Variants in MAEL observed in about 807,000 individuals in gnomAD.
The protein encoded by MAEL is maelstrom spermatogenic transposon silencer, also known as protein maelstrom homolog.
Under a neutral mutation model 62.0 loss-of-function variants are expected in MAEL, and 46 were observed. The observed-to-expected ratio is 0.74, with a 90% CI of 0.59 to 0.95. The LOEUF (loss-of-function observed/expected upper bound fraction) is 0.95. Among genes scored for constraint, MAEL ranks in the 40% least tolerant of loss-of-function variants. MAEL has a pLI of 0.00. For synonymous variants in MAEL, 172 were observed against 175.5 expected (o/e 0.98, Z 0.16); for missense variants, 497 against 526.8 (o/e 0.94, Z 0.55).
chr1:166,992,530 G>A (rs189032377), intron 3 of MAEL, among the ~76,000 whole-genome samples, 156 bp from the exon 4 acceptor site: 13 of 152,052 alleles, frequency 8.5e-5, no homozygotes, highest in African/African-American at 2.4e-4. Context: ...TATTTGGTAC[G>A]GCTGATTGGT....
chr1:166,991,937 T>C (rs534879071), intron 3 of MAEL, among the ~76,000 whole-genome samples: 18 of 152,316 alleles, frequency 1.2e-4, no homozygotes, highest in African/African-American at 4.3e-4. Flanking sequence ...TTCCACAATG[T>C]ATACATGTAT....
chr1:166,987,004 C>A (rs962969524), upstream of MAEL, among the ~76,000 whole-genome samples: 2 of 147,132 alleles, frequency 1.4e-5, no homozygotes, highest in Non-Finnish European at 3.0e-5. Flanking sequence ...TCAACTGTTA[C>A]ATTTGTTTTT....
chr1:167,009,801 C>T (rs1357923835), intron 8 of MAEL, among the ~76,000 whole-genome samples: 1 of 151,948 alleles, frequency 6.6e-6, no homozygotes, highest in Non-Finnish European at 1.5e-5. Context: ...TCTGTTCAGC[C>T]TTGGGCAGTT....
chr1:167,017,590 C>A (rs933316941), intron 9 of MAEL, among the ~76,000 whole-genome samples: 1 of 152,062 alleles, frequency 6.6e-6, no homozygotes, highest in Non-Finnish European at 1.5e-5. Context: ...CATTGCCATG[C>A]CCTTAAAATG....
At chr1:167,008,250 C>T (rs1355342818) in intron 8 of MAEL, among the ~76,000 whole-genome samples, 1 of 152,070 alleles carries the variant, frequency 6.6e-6, no homozygotes, top group Non-Finnish European at 1.5e-5. Flanking sequence ...ATCTCTGGGA[C>T]TGGCGCATTT....
At chr1:166,986,924 T>C (rs1281815380), upstream of MAEL, among the ~76,000 whole-genome samples, 2 of 146,658 alleles carry the variant, frequency 1.4e-5, no homozygotes, top group African/African-American at 5.1e-5. Flanking sequence ...CATAAATAAT[T>C]AGGAATGAAA....
In MAEL at chr1:166,989,574, G is replaced by A. The variant is rs1190699812; in HGVS notation, c.132+90G>A. On this transcript the variant is annotated intron_variant, in intron 1 of 11. Coordinates refer to ENST00000367872, the MANE Select transcript of MAEL (RefSeq NM_032858.3). ...AGGGCAGAAGGCCTCGAGGAGGTCA[G>A]GCGGCTTGGCCCTGCCAGAGGAAGA... is the stretch of plus-strand genomic sequence containing the variant. 2.6e-6 allele frequency: 4 copies of A among 1,524,970 alleles called. No individual in the cohort carries two copies. In the African/African-American group the frequency reaches 4.1e-5, roughly 16 times the overall value. 94.5% of individuals were successfully genotyped at this position (1,524,970 alleles called of 1,614,324 possible). A position where few individuals can be genotyped will look rare whatever the true frequency, so the allele number is the denominator to read the frequency against.
rs1477911955 is a variant in MAEL, at chr1:167,016,208, A to AT, written c.846-7dup. The stretch of plus-strand genomic sequence containing the variant: ...TACTTCAGTTAGGATATTAAAGTCC[A>AT]TTTTTTTGTACAGGTGCAAGTGGCA... On this transcript the variant is annotated splice_polypyrimidine_tract_variant and intron_variant, in intron 8 of 11. Coordinates refer to ENST00000367872, the MANE Select transcript of MAEL (RefSeq NM_032858.3). The AT allele has an allele frequency of 6.2e-7, 1 of 1,612,532 alleles. No homozygotes were observed. Among genetic ancestry groups the AT allele is most frequent in the Non-Finnish European group, 8.5e-7 (1 of 1,178,868 alleles).
chr1:166,993,717 C>T (rs1335947005), intron 4 of MAEL, among the ~76,000 whole-genome samples: 1 of 152,108 alleles, frequency 6.6e-6, no homozygotes, highest in African/African-American at 2.4e-5. Flanking sequence ...TGTATCAATG[C>T]CCTTATGACC....
In MAEL at chr1:167,005,397, G is replaced by A. The variant is rs1279876795; in HGVS notation, c.845G>A (p.Arg282Lys). ...VAMWDYSSNTRCKWHEENDIL... is the reference protein window; with the variant it reads ...VAMWDYSSNTKCKWHEENDIL... ...ATGTGGGATTATTCTAGCAACACAA[G>A]GTATTGCTAGCATTTTTGTTTTAGA... The change falls in exon 8 of 12, where the codon AGG becomes AAG. Residue 282 changes from arginine (R) to lysine (K), a missense_variant and splice_region_variant. By Grantham distance (26) the Arg-to-Lys change is conservative. Transcript: ENST00000367872. The A allele has an allele frequency of 6.3e-7, 1 of 1,589,734 alleles. No homozygotes were observed. The highest frequency in any genetic ancestry group is 1.4e-5 in the African/African-American group (1 of 73,888).
chr1:166,995,105 A>G (rs1244813538), intron 5 of MAEL, among the ~76,000 whole-genome samples: 1 of 152,034 alleles, frequency 6.6e-6, no homozygotes, highest in Non-Finnish European at 1.5e-5. Context: ...TTCTTTATAA[A>G]TGAACATATT....
intron 5 of MAEL, among the ~76,000 whole-genome samples, 158 bp downstream of exon 5, chr1:166,994,227 T>A (rs1398150448): frequency 6.6e-6 from 1 of 152,244 alleles, no homozygotes; most frequent in Non-Finnish European, 1.5e-5. Context: ...CTGTGATCTT[T>A]AAATTTTTTA....
chr1:166,987,050 T>G (rs778147688), upstream of MAEL, among the ~76,000 whole-genome samples: 8 of 151,992 alleles, frequency 5.3e-5, no homozygotes, highest in Non-Finnish European at 1.2e-4. Context: ...TTATTGACTT[T>G]AAAATGAAAC....
chr1:166,993,979 T>A lies in MAEL; in HGVS notation c.482-49T>A, dbSNP rs548070158. The A allele has an allele frequency of 3.7e-5, 55 of 1,482,716 alleles. 1 individual carries two copies. In the East Asian group the frequency reaches 1.2e-3, roughly 32 times the overall value. 91.8% of individuals were successfully genotyped at this position (1,482,716 alleles called of 1,614,324 possible). ...ATCTTGTAGAGTATTACTGTAGCACTAGAGAACTTTAAAATTTTTGCTTCT... is the reference window on the plus strand; with the variant it reads ...ATCTTGTAGAGTATTACTGTAGCACAAGAGAACTTTAAAATTTTTGCTTCT... On this transcript the variant is annotated intron_variant, in intron 4 of 11. Coordinates refer to ENST00000367872, the MANE Select transcript of MAEL (RefSeq NM_032858.3).
At chr1:167,021,376 A>G (rs1368489522) in intron 11 of MAEL, among the ~76,000 whole-genome samples, 1 of 152,164 alleles carries the variant, frequency 6.6e-6, no homozygotes, top group Admixed American at 6.5e-5. Context: ...AGAATTTGTT[A>G]GGGCATTTAA....
chr1:166,978,203 T>C (rs1041200944), intron 1 of MAEL, among the ~76,000 whole-genome samples: 7 of 152,158 alleles, frequency 4.6e-5, no homozygotes, highest in Admixed American at 6.5e-5. Context: ...GTGTTTTCCA[T>C]GTAGTGCCCT....
At position 167,005,264 on chromosome 1, in the gene MAEL, C is replaced by A. The variant is rs1292317800; in HGVS notation, c.712C>A (p.Gln238Lys). The A allele has an allele frequency of 1.2e-6, 2 of 1,612,354 alleles. No homozygotes were observed. The highest frequency in any genetic ancestry group is 2.2e-5 in the East Asian group (1 of 44,856). The change falls in exon 8 of 12, where the codon CAA becomes AAA. Residue 238 changes from glutamine to lysine, a missense_variant. Physicochemically the swap from Gln to Lys is moderately conservative, Grantham distance 53 (BLOSUM62 1). Transcript: ENST00000367872. ...CCATTTACTAATGGAAGAAATCAGG[C>A]AAGATCTACAACTTCTCACTGTAGA... Reference protein sequence around the residue: ...KHMAKASEIRQDLQLLTVEDL... With the variant: ...KHMAKASEIRKDLQLLTVEDL...
Position 167,009,300 on chromosome 1 carries a change from T to C in MAEL, c.845+3903T>C, listed in dbSNP as rs78332210. 8.2e-3 allele frequency among the ~76,000 whole-genome samples: 1,244 copies of C among 152,224 alleles called. 24 individuals carry two copies. Among genetic ancestry groups the C allele is most frequent in the African/African-American group, 0.029 (1,194 of 41,544 alleles). ...CCCTGTGTTCTTGCATGTTTAAAAC[T>C]TTTTCTAATGGTGTACACCATATTT... On this transcript the variant is annotated intron_variant, in intron 8 of 11. Coordinates refer to ENST00000367872, the MANE Select transcript of MAEL (RefSeq NM_032858.3).
intron 8 of MAEL, among the ~76,000 whole-genome samples, chr1:167,009,320 A>G (rs1330658997): frequency 6.6e-6 from 1 of 152,152 alleles, no homozygotes; most frequent in Non-Finnish European, 1.5e-5. Context: ...GGTGTACACC[A>G]TATTTCCTTG....
Sources: allele counts gnomAD v4.1 joint callset (sites outside exome capture counted in the v4.1 genomes callset), GRCh38; gene constraint gnomAD v4.1.1; transcripts MANE v1.5; gene names NCBI Gene and HGNC (gene_info 2026-07-23, HGNC 2026-07-21).